Variants in C2orf66 observed in about 807,000 individuals in gnomAD.
C2orf66 encodes chromosome 2 open reading frame 66, also known as uncharacterized protein C2orf66.
Under a neutral mutation model 7.0 loss-of-function variants are expected in C2orf66, and 6 were observed. The observed-to-expected ratio is 0.86, with a 90% CI of 0.47 to 1.69. The LOEUF (loss-of-function observed/expected upper bound fraction) is 1.69, where lower values mean the gene tolerates loss of function less well. Among genes scored for constraint, C2orf66 ranks in the 40% most tolerant of loss-of-function variants. The pLI is 0.01. For missense variants in C2orf66, 107 were observed against 112.0 expected (o/e 0.96, Z 0.20); for synonymous variants, 38 against 43.8 (o/e 0.87, Z 0.52).
At chr2:196,818,225 C>T in the C2orf66 span, among the ~76,000 whole-genome samples, 1 of 152,154 alleles carries the variant, frequency 6.6e-6, no homozygotes, top group South Asian at 2.1e-4. Flanking sequence ...GCAAGGAGGC[C>T]CCGTGCCAAC....
chr2:196,829,278 T>G, the C2orf66 span, among the ~76,000 whole-genome samples: 1 of 152,162 alleles, frequency 6.6e-6, no homozygotes, highest in Admixed American at 6.5e-5. Context: ...ATATTAAAGT[T>G]TCTAGTTAAG....
upstream of C2orf66, among the ~76,000 whole-genome samples, chr2:196,810,778 C>T (rs559239625): frequency 6.6e-6 from 1 of 152,286 alleles, no homozygotes; most frequent in Non-Finnish European, 1.5e-5. Context: ...TTTATTCATT[C>T]AGCAGACTTT....
At chr2:196,823,626 CAAACAAAACA>C in the C2orf66 span, among the ~76,000 whole-genome samples, 2 of 150,370 alleles carry the variant, frequency 1.3e-5, no homozygotes, top group East Asian at 1.9e-4. Context: ...GACCCTGTCT[CAAACAAAACA>C]AAACAAAACA....
upstream of C2orf66, among the ~76,000 whole-genome samples, chr2:196,814,022 C>G (rs1306774323): frequency 1.3e-5 from 2 of 152,152 alleles, no homozygotes; most frequent in Admixed American, 6.5e-5. Context: ...GGAAATTCCT[C>G]AAGGATCTAG....
At chr2:196,829,920 A>G in the C2orf66 span, among the ~76,000 whole-genome samples, 1 of 152,012 alleles carries the variant, frequency 6.6e-6, no homozygotes, top group Non-Finnish European at 1.5e-5. Context: ...CAAAACAAAA[A>G]CGACAACAAC....
upstream of C2orf66, among the ~76,000 whole-genome samples, chr2:196,814,198 T>C (rs1699902407): frequency 6.6e-6 from 1 of 151,978 alleles, no homozygotes; most frequent in Non-Finnish European, 1.5e-5. Flanking sequence ...ATAGATTGGA[T>C]AAAGAAAACA....
intron 1 of C2orf66, among the ~76,000 whole-genome samples, chr2:196,807,893 T>C (rs1438180945): frequency 3.9e-5 from 6 of 152,216 alleles, no homozygotes; most frequent in Non-Finnish European, 8.8e-5. Context: ...AGTGGAAAGA[T>C]TCATTGTGAA....
Position 196,804,429 on chromosome 2 carries a change from A to G in C2orf66, c.*999T>C, listed in dbSNP as rs888023409. Among the ~76,000 whole-genome samples, 14 of 152,230 alleles carry G rather than the reference A, an allele frequency of 9.2e-5. No homozygotes were observed. The highest frequency in any genetic ancestry group is 3.4e-4 in the African/African-American group (14 of 41,460). On this transcript the variant is annotated 3_prime_UTR_variant, in exon 3 of 3. Transcript: ENST00000342506. The stretch of plus-strand genomic sequence containing the variant: ...CAGACACAAAATCTGTTCTTGCACA[A>G]ATATTTTATTCTTCATATACAATAT...
chr2:196,825,934 T>C, the C2orf66 span, among the ~76,000 whole-genome samples: 2 of 152,198 alleles, frequency 1.3e-5, no homozygotes, highest in Non-Finnish European at 1.5e-5. Context: ...AATAATGTGA[T>C]GCAGTATATG....
the C2orf66 span, among the ~76,000 whole-genome samples, chr2:196,821,624 A>G: frequency 6.6e-6 from 1 of 152,180 alleles, no homozygotes; most frequent in Non-Finnish European, 1.5e-5. Flanking sequence ...GGGATGAGAA[A>G]AGAGGCCACA....
At chr2:196,816,461 C>T in the C2orf66 span, among the ~76,000 whole-genome samples, 1 of 152,132 alleles carries the variant, frequency 6.6e-6, no homozygotes, top group Admixed American at 6.5e-5. Context: ...AGAAATCTGT[C>T]GTATTCTTTG....
the C2orf66 span, among the ~76,000 whole-genome samples, chr2:196,828,500 T>TA: frequency 7.9e-5 from 12 of 152,342 alleles, no homozygotes; most frequent in South Asian, 2.5e-3. Context: ...CCCTCTGGTG[T>TA]ATACCTTGTA....
the C2orf66 span, among the ~76,000 whole-genome samples, chr2:196,814,667 T>C: frequency 2.0e-5 from 3 of 152,178 alleles, no homozygotes; most frequent in Non-Finnish European, 2.9e-5. Context: ...ACATTCCCAG[T>C]GCCCAATGTT....
chr2:196,808,541 T>C (rs1699839828), intron 1 of C2orf66, among the ~76,000 whole-genome samples: 1 of 152,224 alleles, frequency 6.6e-6, no homozygotes, highest in African/African-American at 2.4e-5. Flanking sequence ...AGATCCTGTT[T>C]TCGTCAGCAG....
At chr2:196,829,524 G>A in the C2orf66 span, among the ~76,000 whole-genome samples, 1 of 151,624 alleles carries the variant, frequency 6.6e-6, no homozygotes, top group African/African-American at 2.4e-5. Context: ...CAGGGGCAAA[G>A]GTTGCAGTGA....
the C2orf66 span, among the ~76,000 whole-genome samples, chr2:196,818,717 C>T: frequency 5.3e-4 from 80 of 152,328 alleles, no homozygotes; most frequent in Non-Finnish European, 7.6e-4. Context: ...AGGTTCCCAA[C>T]CCCTTCTCTC....
At chr2:196,826,825 G>A in the C2orf66 span, among the ~76,000 whole-genome samples, 1 of 152,088 alleles carries the variant, frequency 6.6e-6, no homozygotes, top group African/African-American at 2.4e-5. Context: ...GAGGTCAGGA[G>A]ATCGAGACCA....
Position 196,805,348 on chromosome 2 carries a change from T to C in C2orf66, c.*80A>G, listed in dbSNP as rs1017570458. 6.6e-6 allele frequency: 1 copy of C among 152,156 alleles called. No homozygotes were observed. The highest frequency in any genetic ancestry group is 6.5e-5 in the Admixed American group (1 of 15,284). 9.4% of individuals were successfully genotyped at this position (152,156 alleles called of 1,614,324 possible). A position where few individuals can be genotyped will look rare whatever the true frequency, so the allele number is the denominator to read the frequency against. ...AAGAAACTCCATGAAAGTTTAGCTATGACAATGGTTGAATTTTTCTAATGA... is the reference window on the plus strand; with the variant it reads ...AAGAAACTCCATGAAAGTTTAGCTACGACAATGGTTGAATTTTTCTAATGA... On this transcript the variant is annotated 3_prime_UTR_variant, in exon 3 of 3. Transcript: ENST00000342506.
At chr2:196,806,785 G>A (rs974929179) in intron 2 of C2orf66, among the ~76,000 whole-genome samples, 1 of 152,036 alleles carries the variant, frequency 6.6e-6, no homozygotes, top group South Asian at 2.1e-4. Flanking sequence ...GAACCCAGGA[G>A]GTGGAGGGTG....
Sources: allele counts gnomAD v4.1 joint callset (sites outside exome capture counted in the v4.1 genomes callset), GRCh38; gene constraint gnomAD v4.1.1; transcripts MANE v1.5; gene names NCBI Gene and HGNC (gene_info 2026-07-23, HGNC 2026-07-21).